PARP1: variants seen among roughly 807,000 people sequenced by gnomAD.
PARP1 encodes the protein poly(ADP-ribose) polymerase 1.
Under a neutral mutation model 118.7 loss-of-function variants are expected in PARP1, and 44 were observed. The observed-to-expected ratio is 0.37, with a 90% CI of 0.29 to 0.48. The LOEUF is 0.48. Among genes scored for constraint, PARP1 ranks in the 20% least tolerant of loss-of-function variants. PARP1 has a pLI of 0.99. For synonymous variants in PARP1, 492 were observed against 483.2 expected (o/e 1.02, Z -0.24); for missense variants, 1,100 against 1,272.4 (o/e 0.86, Z 2.06).
chr1:226,373,853 C>G (rs1664440867), intron 14 of PARP1, among the ~76,000 whole-genome samples: 1 of 152,102 alleles, frequency 6.6e-6, no homozygotes, highest in Non-Finnish European at 1.5e-5. Flanking sequence ...CACGATGGCT[C>G]ACACCTATAT....
Position 226,368,321 on chromosome 1 carries a change from C to T in PARP1, c.2155G>A (p.Ala719Thr). The change falls in exon 16 of 23, where the codon GCG becomes ACG. Residue 719 changes from alanine to threonine, a missense_variant and splice_region_variant. This residue lies in a region of PARP1 where 948 missense variants were observed against 1,031.8 expected (regional missense o/e 0.92). Transcript: ENST00000366794. ...AYSILSEVQQ[A>T]VSQGSSDSQI... ...GAGTCGCTGCTGCCCTGAGACACCG[C>T]CTGGAGAGGAGGGGACAGAAGGAAT... 6.2e-7 allele frequency: 1 copy of T among 1,614,120 alleles called. No homozygotes were observed. The highest frequency in any genetic ancestry group is 8.5e-7 in the Non-Finnish European group (1 of 1,180,028).
At chr1:226,380,935 A>G (rs1331606147) in intron 9 of PARP1, 133 bp downstream of exon 9, 3 of 1,017,468 alleles carry the variant, frequency 2.9e-6, no homozygotes, top group East Asian at 4.9e-5. Context: ...TTCCCTTCAT[A>G]AAGAACCACA....
intron 17 of PARP1, 27 bp downstream of exon 17, chr1:226,367,453 T>C (rs768319091): frequency 1.9e-6 from 3 of 1,612,862 alleles, no homozygotes; most frequent in South Asian, 2.2e-5. Context: ...GAGGTTAAGA[T>C]GCTTGAGGAA....
At position 226,364,071 on chromosome 1, in the gene PARP1, C is replaced by T; in HGVS notation, c.2659-1G>A. The stretch of plus-strand genomic sequence containing the variant: ...TCCCTTTACCAAACATGTAGCCTGT[C>T]TGGAAGGTCGGAAAAGGGAGAGCTG... On this transcript the variant is annotated splice_acceptor_variant, in intron 19 of 22. Transcript: ENST00000366794. LOFTEE classifies it high-confidence loss of function. 1.2e-6 allele frequency: 2 copies of T among 1,613,914 alleles called. No individual in the cohort carries two copies. The highest frequency in any genetic ancestry group is 1.7e-6 in the Non-Finnish European group (2 of 1,179,856).
intron 2 of PARP1, among the ~76,000 whole-genome samples, chr1:226,393,570 G>A (rs938604477): frequency 6.6e-6 from 1 of 152,216 alleles, no homozygotes; most frequent in South Asian, 2.1e-4. Context: ...TGACCTGGAT[G>A]AATCTCACAG....
Position 226,390,709 on chromosome 1 carries a change from G to C in PARP1, c.403-85C>G, listed in dbSNP as rs577419015. The C allele has an allele frequency of 1.6e-4, 211 of 1,282,818 alleles. 1 individual carries two copies. The South Asian group carries it at 2.5e-3, about 15-fold the overall frequency. 79.5% of individuals were successfully genotyped at this position (1,282,818 alleles called of 1,614,324 possible). A position where few individuals can be genotyped will look rare whatever the true frequency, so the allele number is the denominator to read the frequency against. On this transcript the variant is annotated intron_variant, in intron 3 of 22. Transcript: ENST00000366794. ...ACGGGCAGCCTGTGCTCCAGCCAGTGAGGAGCTGAGGGTCCAAGCCAAGGC... is the reference window on the plus strand; with the variant it reads ...ACGGGCAGCCTGTGCTCCAGCCAGTCAGGAGCTGAGGGTCCAAGCCAAGGC...
rs907187 is a variant in PARP1, at chr1:226,407,946, C to T, written c.-17G>A. ...CTCCGCCATCCTCCCCTAGCTGCCG[C>T]CAAAGCTCCGGAAGCCCGACGCCAC... On this transcript the variant is annotated 5_prime_UTR_variant, in exon 1 of 23. Transcript: ENST00000366794. The T allele has an allele frequency of 1.2e-6, 2 of 1,611,354 alleles. No homozygotes were observed. Among genetic ancestry groups the T allele is most frequent in the East Asian group, 2.2e-5 (1 of 44,692 alleles).
Position 226,392,271 on chromosome 1 carries a change from C to T in PARP1, c.330G>A (p.Leu110=). The change falls in exon 3 of 23, where the codon CTG becomes CTA. Residue 110 remains leucine (L), a synonymous_variant. Coordinates refer to ENST00000366794, the MANE Select transcript of PARP1 (RefSeq NM_001618.4). Reference sequence around the variant, plus strand: ...TGGCATACTCTGCTGCAAAGTCACCCAGAGTCTTCTCTGCCTTGCTACCAA... The same window carrying T: ...TGGCATACTCTGCTGCAAAGTCACCTAGAGTCTTCTCTGCCTTGCTACCAA... The part of the protein sequence containing the change: ...DGIGSKAEKT[L]GDFAAEYAKS... 1 of 1,614,144 alleles carries T rather than the reference C, an allele frequency of 6.2e-7. No individual in the cohort carries two copies. Among genetic ancestry groups the T allele is most frequent in the African/African-American group, 1.3e-5 (1 of 75,046 alleles).
intron 14 of PARP1, among the ~76,000 whole-genome samples, chr1:226,373,613 T>C (rs1664436074): frequency 6.6e-6 from 1 of 152,218 alleles, no homozygotes; most frequent in African/African-American, 2.4e-5. Context: ...GACAGAAGCA[T>C]GACTAATCCA....
intron 2 of PARP1, among the ~76,000 whole-genome samples, chr1:226,401,299 T>C (rs966024159): frequency 1.3e-5 from 2 of 152,216 alleles, no homozygotes; most frequent in Admixed American, 1.3e-4. Flanking sequence ...AGCAGCTTTA[T>C]TGAGGCAGCA....
In PARP1 at chr1:226,374,283, G is replaced by A. The variant is rs2102732297; in HGVS notation, c.2013C>T (p.Asp671=). ...CCACATCAAAGATCATCTTGATGAGGTCCTGAACTGGCTTGGGGAGCTTGG... is the reference window on the plus strand; with the variant it reads ...CCACATCAAAGATCATCTTGATGAGATCCTGAACTGGCTTGGGGAGCTTGG... ...TKSKLPKPVQ[D]LIKMIFDVES... is the part of the protein sequence containing the mutation. Residue 671 remains aspartate (D), a synonymous_variant, in exon 14 of 23, where the codon GAC becomes GAT. Coordinates refer to ENST00000366794, the MANE Select transcript of PARP1 (RefSeq NM_001618.4). The A allele has an allele frequency of 6.2e-7, 1 of 1,614,112 alleles. No individual in the cohort carries two copies. Among genetic ancestry groups the A allele is most frequent in the Non-Finnish European group, 8.5e-7 (1 of 1,179,956 alleles).
intron 21 of PARP1, among the ~76,000 whole-genome samples, chr1:226,362,799 CCA>C (rs1297798352): frequency 1.3e-5 from 2 of 152,058 alleles, no homozygotes; most frequent in Admixed American, 1.3e-4. Flanking sequence ...CCAGCTGCAG[CCA>C]CAGAGAGTGA....
chr1:226,373,068 C>T (rs745864320), intron 14 of PARP1, among the ~76,000 whole-genome samples: 3 of 152,208 alleles, frequency 2.0e-5, no homozygotes, highest in Non-Finnish European at 4.4e-5. Context: ...GCATTCCTGC[C>T]AGGCTGAGCT....
At chr1:226,378,275 G>A (rs1278654468) in intron 12 of PARP1, among the ~76,000 whole-genome samples, 1 of 151,860 alleles carries the variant, frequency 6.6e-6, no homozygotes, top group Non-Finnish European at 1.5e-5. Flanking sequence ...GCTGTACTGA[G>A]GGGCAATGAA....
At chr1:226,383,981 T>C (rs2102737753) in intron 7 of PARP1, among the ~76,000 whole-genome samples, 1 of 152,358 alleles carries the variant, frequency 6.6e-6, no homozygotes, top group South Asian at 2.1e-4. Context: ...CAGTTTCTGC[T>C]CTTCAGAAAG....
intron 13 of PARP1, among the ~76,000 whole-genome samples, chr1:226,376,096 TA>T (rs1664481530): frequency 6.6e-6 from 1 of 152,166 alleles, no homozygotes; most frequent in Non-Finnish European, 1.5e-5. Context: ...AAGCAAGATG[TA>T]AATCCTATTT....
At chr1:226,391,328 T>TA (rs1664816234) in intron 3 of PARP1, among the ~76,000 whole-genome samples, 1 of 151,870 alleles carries the variant, frequency 6.6e-6, no homozygotes, top group South Asian at 2.1e-4. Flanking sequence ...TGACACCCCC[T>TA]AAGGAGTAAT....
At chr1:226,370,358 C>A in intron 15 of PARP1, 76 bp downstream of exon 15, 1 of 1,032,958 alleles carries the variant, frequency 9.7e-7, no homozygotes, top group Non-Finnish European at 1.5e-6. Context: ...AAATGTTACC[C>A]CTGCCACCCC....
intron 3 of PARP1, 117 bp downstream of exon 3, chr1:226,392,082 T>C: frequency 1.3e-6 from 1 of 792,406 alleles, no homozygotes; most frequent in Admixed American, 1.8e-5. Context: ...TTATTTTTAA[T>C]CACTTACGTT....
Sources: gnomAD v4.1 joint callset for allele counts (sites outside exome capture counted in the v4.1 genomes callset) on GRCh38, gnomAD v4.1.1 for gene constraint, gnomAD v4.1.1 regional missense constraint, MANE v1.5 for transcripts, NCBI Gene and HGNC (gene_info 2026-07-23, HGNC 2026-07-21) for gene names.